GPM6A: variants seen among roughly 807,000 people sequenced by gnomAD.
GPM6A encodes neuronal membrane glycoprotein M6-a.
In GPM6A, 7 loss-of-function variants were observed where a neutral mutation model predicts 32.1. The observed-to-expected ratio is 0.22, with a 90% CI of 0.12 to 0.41. The LOEUF is 0.41. Ranked by LOEUF, GPM6A falls within the 10% of genes least tolerant of loss-of-function variation. The pLI, the probability that GPM6A is intolerant of heterozygous loss-of-function variation, is 1.00. For synonymous variants in GPM6A, 130 were observed against 123.4 expected (o/e 1.05, Z -0.35); for missense variants, 235 against 347.2 (o/e 0.68, Z 2.57).
intron 1 of GPM6A, among the ~76,000 whole-genome samples, chr4:175,702,255 A>T (rs1744921638): frequency 6.6e-6 from 1 of 152,192 alleles, no homozygotes. Flanking sequence ...CATGTTTATA[A>T]TGTATGAGGA....
intron 1 of GPM6A, among the ~76,000 whole-genome samples, chr4:175,836,299 C>T (rs999299003): frequency 6.6e-6 from 1 of 152,102 alleles, no homozygotes; most frequent in Non-Finnish European, 1.5e-5. Flanking sequence ...AGATCCTATT[C>T]CTTTCGTAGA....
chr4:175,634,922 G>A lies in GPM6A; in HGVS notation c.820C>T (p.Leu274Phe). 2 of 1,613,494 alleles carry A rather than the reference G, an allele frequency of 1.2e-6. No homozygotes were observed. The highest frequency in any genetic ancestry group is 1.7e-6 in the Non-Finnish European group (2 of 1,179,552). The change falls in exon 7 of 7, where the codon CTC (leucine) becomes TTC (phenylalanine). Residue 274 changes from leucine to phenylalanine, a missense_variant. Around this residue, in one of 3 missense-constraint regions of GPM6A, gnomAD observed 27 missense variants for 59.4 expected, o/e 0.45. Transcript: ENST00000393658. ...AGATGCATTTATGTGTATGCATTGA[G>A]CCGCTCTTTGGAGCGAGTAGAGTGG... ...DIHSTRSKER[L>F]NAYT
chr4:175,787,949 A>G (rs959947828), intron 1 of GPM6A: 2 of 152,244 alleles, frequency 1.3e-5, no homozygotes, highest in Non-Finnish European at 2.9e-5. Context: ...AAAGTCATAC[A>G]TATATACTTT....
intron 1 of GPM6A, among the ~76,000 whole-genome samples, chr4:175,763,112 T>C (rs1235589551): frequency 6.6e-6 from 1 of 152,196 alleles, no homozygotes; most frequent in Non-Finnish European, 1.5e-5. Context: ...ATGCTGCTAG[T>C]TTTTTCATTA....
intron 1 of GPM6A, among the ~76,000 whole-genome samples, chr4:175,892,044 G>C (rs1007381153): frequency 3.3e-5 from 5 of 152,166 alleles, no homozygotes; most frequent in African/African-American, 1.2e-4. Context: ...CAGAGGGCTT[G>C]TTTGGGAAGC....
intron 1 of GPM6A, among the ~76,000 whole-genome samples, chr4:175,982,321 A>G (rs1740843562): frequency 6.6e-6 from 1 of 152,176 alleles, no homozygotes; most frequent in Non-Finnish European, 1.5e-5. Context: ...TTTGCTTAAC[A>G]TAAGGTCAAA....
At chr4:175,802,853 T>C (rs759347347) in intron 1 of GPM6A, among the ~76,000 whole-genome samples, 1 of 152,142 alleles carries the variant, frequency 6.6e-6, no homozygotes, top group East Asian at 1.9e-4. Context: ...GCTAAAAATA[T>C]GTGTGGGCTC....
intron 2 of GPM6A, among the ~76,000 whole-genome samples, chr4:175,691,516 G>T (rs1744296666): frequency 6.6e-6 from 1 of 152,086 alleles, no homozygotes; most frequent in South Asian, 2.1e-4. Context: ...ACAAAGCTAT[G>T]CTTACTATAT....
intron 1 of GPM6A, among the ~76,000 whole-genome samples, chr4:175,917,844 G>C (rs911524533): frequency 2.9e-4 from 6 of 20,364 alleles, no homozygotes; most frequent in Non-Finnish European, 7.8e-4. Flanking sequence ...ACAATGTTAA[G>C]TAGCCTTATA....
chr4:175,851,356 A>G (rs10002577), intron 1 of GPM6A, among the ~76,000 whole-genome samples: 52,614 of 151,810 alleles, frequency 0.35, 9,216 homozygotes, highest in Non-Finnish European at 0.38. Flanking sequence ...ATGGTGGTGG[A>G]CGCCAGTAAT....
chr4:175,699,523 T>C (rs927407817), intron 2 of GPM6A, among the ~76,000 whole-genome samples: 3 of 152,206 alleles, frequency 2.0e-5, no homozygotes, highest in Admixed American at 6.5e-5. Context: ...AATTCTTCAT[T>C]CCCATTTGTC....
chr4:175,849,391 G>A (rs780494127), intron 1 of GPM6A, among the ~76,000 whole-genome samples: 8 of 152,198 alleles, frequency 5.3e-5, no homozygotes, highest in Non-Finnish European at 8.8e-5. Flanking sequence ...ATGCAGTATC[G>A]TAGAGGTTTA....
At chr4:175,829,768 T>C (rs1324358528) in intron 1 of GPM6A, among the ~76,000 whole-genome samples, 1 of 149,056 alleles carries the variant, frequency 6.7e-6, no homozygotes, top group East Asian at 1.9e-4. Flanking sequence ...ATCTTACTCA[T>C]TTTTCTTGGA....
chr4:175,684,061 C>T, intron 2 of GPM6A, among the ~76,000 whole-genome samples: 1 of 152,178 alleles, frequency 6.6e-6, no homozygotes, highest in Non-Finnish European at 1.5e-5. Context: ...AAACTCCTGA[C>T]CTCGTGATCC....
At chr4:175,743,210 G>T (rs1052395342) in intron 1 of GPM6A, among the ~76,000 whole-genome samples, 26 of 151,676 alleles carry the variant, frequency 1.7e-4, no homozygotes, top group African/African-American at 6.3e-4. Flanking sequence ...AAAGTATGTG[G>T]TTCAAAATAT....
chr4:175,748,473 A>G (rs182198993), intron 1 of GPM6A, among the ~76,000 whole-genome samples: 8 of 152,366 alleles, frequency 5.3e-5, no homozygotes, highest in Admixed American at 5.2e-4. Context: ...CACTCGGGTG[A>G]CAAAGTACAT....
intron 6 of GPM6A, among the ~76,000 whole-genome samples, chr4:175,635,970 C>T (rs1025800049): frequency 4.6e-5 from 7 of 151,658 alleles, no homozygotes; most frequent in Non-Finnish European, 4.4e-5. Flanking sequence ...AAAGAGGAGG[C>T]GGGCTGGTTC....
chr4:175,912,968 T>C (rs1738369877), intron 1 of GPM6A, among the ~76,000 whole-genome samples: 1 of 152,218 alleles, frequency 6.6e-6, no homozygotes, highest in African/African-American at 2.4e-5. Context: ...AATTTTTTAA[T>C]TGCATTTTTC....
intron 1 of GPM6A, chr4:175,970,723 C>T: frequency 1.1e-5 from 4 of 379,746 alleles, no homozygotes; most frequent in South Asian, 8.1e-5. Flanking sequence ...CCACAACAAA[C>T]TTCTTATGTT....
Sources: gnomAD v4.1 joint callset for allele counts (sites outside exome capture counted in the v4.1 genomes callset) on GRCh38, gnomAD v4.1.1 for gene constraint, gnomAD v4.1.1 regional missense constraint, MANE v1.5 for transcripts, NCBI Gene and HGNC (gene_info 2026-07-23, HGNC 2026-07-21) for gene names.